Variants in GNL3L observed in about 807,000 individuals in gnomAD.
GNL3L encodes the protein guanine nucleotide-binding protein-like 3-like protein.
GNL3L carries 4 observed loss-of-function variants against 42.9 expected under a neutral mutation model. The ratio of observed to expected loss-of-function variants is 0.09; its 90% CI spans 0.05 to 0.21. The LOEUF (loss-of-function observed/expected upper bound fraction) is 0.21, where lower values mean the gene tolerates loss of function less well. Among genes scored for constraint, GNL3L ranks in the 10% least tolerant of loss-of-function variants. The pLI is 1.00. For synonymous variants in GNL3L, 159 were observed against 176.3 expected, an observed-to-expected ratio of 0.90 and a Z score of 0.78; for missense variants, 412 against 481.7, an observed-to-expected ratio of 0.86 and a Z score of 1.36.
At chrX:54,637,509 A>C in the GNL3L span, among the ~76,000 whole-genome samples, 2 of 111,838 alleles carry the variant, frequency 1.8e-5, no homozygotes, top group African/African-American at 6.5e-5. Flanking sequence ...CTCACTATCT[A>C]CTTTTGAATG....
At chrX:54,617,779 G>T (rs1926236673) in intron 16 of GNL3L, among the ~76,000 whole-genome samples, 1 of 111,715 alleles carries the variant, frequency 9.0e-6, no homozygotes, top group African/African-American at 3.3e-5. Flanking sequence ...CATCTATGGG[G>T]AATGAGCCCT....
intron 16 of GNL3L, among the ~76,000 whole-genome samples, chrX:54,613,299 A>G (rs755446134): frequency 1.8e-5 from 2 of 111,685 alleles, no homozygotes; most frequent in East Asian, 5.7e-4. Flanking sequence ...TTTTGTGTTT[A>G]AGCTATCTAT....
chrX:54,627,751 TATTC>T, the GNL3L span, among the ~76,000 whole-genome samples: 2 of 112,505 alleles, frequency 1.8e-5, no homozygotes, highest in South Asian at 7.3e-4. Flanking sequence ...CTTCTTAATT[TATTC>T]ATTAACTCAA....
At chrX:54,607,485 C>G (rs1352605630) in intron 16 of GNL3L, among the ~76,000 whole-genome samples, 2 of 108,382 alleles carry the variant, frequency 1.8e-5, no homozygotes, top group Non-Finnish European at 3.8e-5. Context: ...TAGCTGATTC[C>G]AGGGCTGGAT....
the GNL3L span, among the ~76,000 whole-genome samples, chrX:54,641,674 A>G: frequency 3.6e-5 from 4 of 112,102 alleles, no homozygotes; most frequent in Non-Finnish European, 7.5e-5. Context: ...AGGCCAGCCC[A>G]CAACCTGTGA....
intron 2 of GNL3L, among the ~76,000 whole-genome samples, chrX:54,536,500 C>T (rs1924428350): frequency 2.7e-5 from 3 of 110,226 alleles, no homozygotes; most frequent in South Asian, 7.6e-4. Context: ...AAAGGAAACA[C>T]AGGGCCAGGC....
At chrX:54,556,719 G>GT in intron 14 of GNL3L, among the ~76,000 whole-genome samples, 1 of 111,271 alleles carries the variant, frequency 9.0e-6, no homozygotes, top group Admixed American at 9.5e-5. Context: ...TGTGCTCTAT[G>GT]TTTTTTCAGT....
At chrX:54,600,206 CTTTTTTTTTTTTTTTTTTTTTTT>C (rs1172527598) in intron 16 of GNL3L, among the ~76,000 whole-genome samples, 6 of 13,401 alleles carry the variant, frequency 4.5e-4, no homozygotes, top group East Asian at 2.4e-3. Flanking sequence ...CAATCTGCTG[CTTTTTTTTTTTTTTTTTTTTTTT>C]TTTTTTTTTT....
At position 54,598,729 on chromosome X, in the gene GNL3L, CAG is replaced by C. The variant is rs760841590; in HGVS notation, c.*46-22114_*46-22113del. Among the ~76,000 whole-genome samples the C allele has an allele frequency of 8.1e-5, 9 of 111,615 alleles. No individual in the cohort carries two copies. In the South Asian group the frequency reaches 2.6e-3, roughly 33 times the overall value. ...TGAAAATGAAATACTAAGAATCTAA[CAG>C]AAATAGATAGGCTCATCAGTAAATT... On this transcript the variant is annotated intron_variant, in intron 16 of 16. Coordinates refer to the GNL3L transcript ENST00000674498.
At chrX:54,557,745 T>C (rs1925140659) in intron 14 of GNL3L, among the ~76,000 whole-genome samples, 1 of 110,373 alleles carries the variant, frequency 9.1e-6, no homozygotes, top group Admixed American at 9.7e-5. Flanking sequence ...CCCAGCTAAT[T>C]TTTAACAGAA....
chrX:54,567,433 G>A (rs1429013787), downstream of GNL3L, among the ~76,000 whole-genome samples: 1 of 110,016 alleles, frequency 9.1e-6, no homozygotes, highest in African/African-American at 3.3e-5. Context: ...GATCACCTGA[G>A]GTCGGGAGTT....
At chrX:54,581,179 A>G (rs1226288266) in intron 16 of GNL3L, among the ~76,000 whole-genome samples, 2 of 112,609 alleles carry the variant, frequency 1.8e-5, no homozygotes, top group East Asian at 2.8e-4. Context: ...TTGTAAAACT[A>G]TAATACCATA....
At chrX:54,580,849 C>T (rs975386823) in intron 16 of GNL3L, among the ~76,000 whole-genome samples, 9 of 112,277 alleles carry the variant, frequency 8.0e-5, no homozygotes, top group African/African-American at 2.3e-4. Flanking sequence ...GGCACAATCT[C>T]GGCTCACTGC....
intron 2 of GNL3L, among the ~76,000 whole-genome samples, chrX:54,533,700 T>G (rs970824285): frequency 4.5e-5 from 5 of 111,017 alleles, no homozygotes; most frequent in African/African-American, 1.3e-4. Context: ...TGACCTCAAG[T>G]GATCCGCCTG....
intron 16 of GNL3L, among the ~76,000 whole-genome samples, chrX:54,597,703 C>G (rs1213215875): frequency 1.8e-5 from 2 of 111,598 alleles, no homozygotes; most frequent in Non-Finnish European, 3.8e-5. Context: ...GGTGGCTAGG[C>G]TTGCAGGAAC....
downstream of GNL3L, among the ~76,000 whole-genome samples, chrX:54,569,600 C>T (rs1234910386): frequency 8.9e-6 from 1 of 112,189 alleles, no homozygotes; most frequent in Non-Finnish European, 1.9e-5. Flanking sequence ...GGAAGACTAA[C>T]ACAATGTGAT....
chrX:54,579,334 A>G (rs1455885345), intron 16 of GNL3L, among the ~76,000 whole-genome samples: 1 of 111,833 alleles, frequency 8.9e-6, no homozygotes, highest in Non-Finnish European at 1.9e-5. Flanking sequence ...AAGTTCTATA[A>G]TGTTATATTT....
At chrX:54,641,304 A>C in the GNL3L span, among the ~76,000 whole-genome samples, 2 of 111,103 alleles carry the variant, frequency 1.8e-5, no homozygotes, top group Admixed American at 1.9e-4. Flanking sequence ...CTAGAAGGCC[A>C]TAAAAGTCTG....
At chrX:54,628,550 T>C in the GNL3L span, among the ~76,000 whole-genome samples, 1 of 111,376 alleles carries the variant, frequency 9.0e-6, no homozygotes, top group African/African-American at 3.3e-5. Flanking sequence ...TTATGGTCAT[T>C]CTTCCAGGAG....
Sources: gnomAD v4.1 joint callset for allele counts (sites outside exome capture counted in the v4.1 genomes callset) on GRCh38, gnomAD v4.1.1 for gene constraint, MANE v1.5 for transcripts, NCBI Gene and HGNC (gene_info 2026-07-23, HGNC 2026-07-21) for gene names.